DST: variants seen among roughly 807,000 people sequenced by gnomAD.
DST encodes bullous pemphigoid antigen.
DST carries 253 observed loss-of-function variants against 875.2 expected under a neutral mutation model. The observed-to-expected ratio is 0.29, with a 90% CI of 0.26 to 0.32. The LOEUF (loss-of-function observed/expected upper bound fraction) is 0.32, where lower values mean the gene tolerates loss of function less well. DST is among the 10% of genes least tolerant of loss of function. DST has a pLI of 1.00. For synonymous variants in DST, 3,124 were observed against 3,197.1 expected, an observed-to-expected ratio of 0.98 and a Z score of 0.77; for missense variants, 8,287 against 9,111.6, an observed-to-expected ratio of 0.91 and a Z score of 3.68.
intron 10 of DST, among the ~76,000 whole-genome samples, chr6:56,665,043 C>T (rs1353114578): frequency 6.6e-6 from 1 of 152,192 alleles, no homozygotes; most frequent in African/African-American, 2.4e-5. Context: ...CTTACTACCC[C>T]ATTACATAAT....
chr6:56,632,885 A>G lies in DST; in HGVS notation c.3774T>C (p.Tyr1258=), dbSNP rs148608146. 150 of 1,613,846 alleles carry G rather than the reference A, an allele frequency of 9.3e-5. No individual in the cohort carries two copies. Among genetic ancestry groups the G allele is most frequent in the Non-Finnish European group, 8.5e-6 (10 of 1,179,970 alleles). The change falls in exon 28 of 104, where the codon TAT becomes TAC. Residue 1258 remains tyrosine, a synonymous_variant. Coordinates refer to ENST00000680361, the MANE Select transcript of DST (RefSeq NM_001374736.1). ...CTGCAGATTTAAGAAGTTCTTGATA[A>G]TACTGCTTACATACATTAACCTCCT... ...LEKEVNVCKQ[Y]YQELLKSAER... is the part of the protein sequence containing the mutation.
intron 4 of DST, among the ~76,000 whole-genome samples, chr6:56,820,129 C>T (rs987377965): frequency 2.6e-5 from 4 of 152,184 alleles, no homozygotes; most frequent in Admixed American, 6.5e-5. Context: ...CCAGCTCTGC[C>T]GTTTTCAAAC....
Position 56,648,597 on chromosome 6 carries a change from T to C in DST, c.1527A>G (p.Thr509=), listed in dbSNP as rs2098957817. 2 of 1,587,374 alleles carry C rather than the reference T, an allele frequency of 1.3e-6. No homozygotes were observed. The highest frequency in any genetic ancestry group is 1.7e-6 in the Non-Finnish European group (2 of 1,164,628). ...RHHVTTMSER[T]FPNNPVELKA... ...TCAGTTCTACAGGATTATTAGGAAA[T>C]GTTCTCTCAGACATTGTGGTCACAT... Residue 509 remains threonine, a synonymous_variant, in exon 13 of 104, where the codon ACA becomes ACG. Coordinates refer to ENST00000680361, the MANE Select transcript of DST (RefSeq NM_001374736.1).
intron 4 of DST, among the ~76,000 whole-genome samples, chr6:56,788,669 TC>T (rs2099710019): frequency 6.6e-6 from 1 of 152,208 alleles, no homozygotes; most frequent in Admixed American, 6.5e-5. Flanking sequence ...ACTACTTTTT[TC>T]CCAAGTATTA....
intron 31 of DST, among the ~76,000 whole-genome samples, chr6:56,629,919 T>C (rs187020193): frequency 2.0e-4 from 31 of 152,364 alleles, no homozygotes; most frequent in African/African-American, 7.0e-4. Context: ...CTTCTCTATT[T>C]ACCTCCTTGA....
chr6:56,773,457 C>A (rs2099671504), intron 4 of DST, among the ~76,000 whole-genome samples: 1 of 151,980 alleles, frequency 6.6e-6, no homozygotes, highest in Non-Finnish European at 1.5e-5. Context: ...AAAGTCTATA[C>A]ACTATATCTC....
chr6:56,859,670 A>G (rs969680328), intron 3 of DST, among the ~76,000 whole-genome samples: 3 of 152,230 alleles, frequency 2.0e-5, no homozygotes, highest in African/African-American at 7.2e-5. Flanking sequence ...TATGTCAGTT[A>G]ATTAAAAATA....
chr6:56,655,118 G>T (rs113113375), intron 10 of DST, among the ~76,000 whole-genome samples: 55 of 143,172 alleles, frequency 3.8e-4, no homozygotes, highest in African/African-American at 1.3e-3. Context: ...CCGAGATCGC[G>T]CCATTGCATC....
chr6:56,761,039 A>G (rs1468125896), intron 4 of DST, among the ~76,000 whole-genome samples: 2 of 152,254 alleles, frequency 1.3e-5, no homozygotes, highest in African/African-American at 4.8e-5. Flanking sequence ...GGTCATAAAA[A>G]GCAATGTGGT....
In DST at chr6:56,593,425, G is replaced by A. The variant is rs1245234579; in HGVS notation, c.12726+238C>T. On this transcript the variant is annotated intron_variant, in intron 48 of 103. Coordinates refer to ENST00000680361, the MANE Select transcript of DST (RefSeq NM_001374736.1). Reference sequence around the variant, plus strand: ...CCAGCTAGTCGGGAGGCTGAGGCAGGAGAATTGCTTGAACCTGGGAGGCAG... The same window carrying A: ...CCAGCTAGTCGGGAGGCTGAGGCAGAAGAATTGCTTGAACCTGGGAGGCAG... 3.4e-5 allele frequency among the ~76,000 whole-genome samples: 5 copies of A among 147,752 alleles called. No individual in the cohort carries two copies. The Admixed American group carries it at 3.5e-4, about 10-fold the overall frequency.
At chr6:56,880,513 C>G (rs1343960334) in intron 3 of DST, among the ~76,000 whole-genome samples, 2 of 151,986 alleles carry the variant, frequency 1.3e-5, no homozygotes, top group African/African-American at 4.8e-5. Flanking sequence ...CATGGTAAAA[C>G]CCTGTCTCTA....
chr6:56,625,298 G>T, intron 34 of DST, 34 bp from the exon 35 acceptor site: 1 of 1,304,958 alleles, frequency 7.7e-7, no homozygotes, highest in Non-Finnish European at 1.1e-6. Context: ...AAAATGAATT[G>T]AAGCAAAGTA....
rs751086390 is a variant in DST at position 56,642,016 on chromosome 6, C to A, written c.1958G>T (p.Arg653Leu). 1.2e-6 allele frequency: 2 copies of A among 1,612,786 alleles called. No homozygotes were observed. Among genetic ancestry groups the A allele is most frequent in the Admixed American group, 1.7e-5 (1 of 59,968 alleles). Residue 653 changes from arginine to leucine, a missense_variant, in exon 17 of 104, where the codon CGC becomes CTC. Transcript: ENST00000680361. Reference protein sequence around the residue: ...GYILECENLLRQHVIDVQILI... With the variant: ...GYILECENLLLQHVIDVQILI... ...AATCTGTACATCAATTACATGCTGG[C>A]GTAAAAGGTTCTCACATTCAAGTAT...
chr6:56,784,345 G>A (rs1288132845), intron 4 of DST, among the ~76,000 whole-genome samples: 21 of 152,274 alleles, frequency 1.4e-4, no homozygotes, highest in Middle Eastern at 6.8e-3. Flanking sequence ...CATTCTCCCC[G>A]TCACTTTCAG....
intron 2 of DST, among the ~76,000 whole-genome samples, chr6:56,932,774 G>C (rs1562449267): frequency 6.6e-6 from 1 of 151,686 alleles, no homozygotes; most frequent in Non-Finnish European, 1.5e-5. Flanking sequence ...CCCTCATCCA[G>C]TCCCAGAGTG....
intron 2 of DST, among the ~76,000 whole-genome samples, chr6:56,906,953 T>C (rs1371866506): frequency 2.0e-5 from 3 of 152,202 alleles, no homozygotes; most frequent in Admixed American, 1.3e-4. Flanking sequence ...TTCCCAATGA[T>C]GAGTAATGTC....
intron 53 of DST, 97 bp from the exon 54 acceptor site, chr6:56,570,109 T>A (rs1300671513): frequency 8.9e-6 from 8 of 902,330 alleles, no homozygotes; most frequent in Non-Finnish European, 1.3e-5. Context: ...CCATCTTCCA[T>A]GTACTCTAAC....
rs1267054622 is a variant in DST, at chr6:56,646,104, G to A, written c.1633C>T (p.Leu545=). 6.5e-7 allele frequency: 1 copy of A among 1,547,806 alleles called. No homozygotes were observed. Among genetic ancestry groups the A allele is most frequent in the Admixed American group, 1.9e-5 (1 of 51,672 alleles). The part of the protein sequence containing the change: ...KETEKSKIKR[L]YKLLEIWIEF... The stretch of plus-strand genomic sequence containing the variant: ...GAGCTTACCTCTAATAATTTATATA[G>A]ACGTTTAATTTTTGATTTTTCTGTC... The change falls in exon 14 of 104, where the codon CTA becomes TTA. Residue 545 remains leucine (L), a synonymous_variant. Coordinates refer to ENST00000680361, the MANE Select transcript of DST (RefSeq NM_001374736.1).
At chr6:56,648,062 C>T (rs1213460441) in intron 13 of DST, among the ~76,000 whole-genome samples, 1 of 152,154 alleles carries the variant, frequency 6.6e-6, no homozygotes, top group Non-Finnish European at 1.5e-5. Flanking sequence ...AAATGTTTTA[C>T]TAAACCATGA....
Sources: gnomAD v4.1 joint callset for allele counts (sites outside exome capture counted in the v4.1 genomes callset) on GRCh38, gnomAD v4.1.1 for gene constraint, MANE v1.5 for transcripts, NCBI Gene and HGNC (gene_info 2026-07-23, HGNC 2026-07-21) for gene names.